Variants in TTC17 observed in about 807,000 individuals in gnomAD.
The protein encoded by TTC17 is tetratricopeptide repeat domain 17.
TTC17 carries 58 observed loss-of-function variants against 143.8 expected under a neutral mutation model. The observed-to-expected ratio is 0.40, with a 90% confidence interval of 0.33 to 0.50. The LOEUF (loss-of-function observed/expected upper bound fraction) is 0.50. Among genes scored for constraint, TTC17 ranks in the 20% least tolerant of loss-of-function variants. The pLI is 0.49. For synonymous variants in TTC17, 501 were observed against 497.8 expected (o/e 1.01, Z -0.09); for missense variants, 1,273 against 1,392.5 (o/e 0.91, Z 1.37).
intron 7 of TTC17, 81 bp from the exon 8 acceptor site, chr11:43,397,893 T>C: frequency 1.9e-6 from 3 of 1,541,636 alleles, no homozygotes; most frequent in Non-Finnish European, 1.7e-6. Flanking sequence ...GGCTAACATT[T>C]TTTTTTCCGT....
intron 16 of TTC17, among the ~76,000 whole-genome samples, chr11:43,425,266 C>T (rs1946999257): frequency 1.3e-5 from 2 of 152,020 alleles, no homozygotes; most frequent in Admixed American, 6.6e-5. Context: ...CTAGGGTGCA[C>T]CCTGATCACA....
At position 43,407,134 on chromosome 11, in the gene TTC17, T is replaced by C. The variant is rs777280975; in HGVS notation, c.1762-4T>C. On this transcript the variant is annotated splice_polypyrimidine_tract_variant and splice_region_variant and intron_variant, in intron 13 of 23. Transcript: ENST00000039989. Reference sequence around the variant, plus strand: ...TTGAGTCAGTCTTCCTTTTGATGTTTCAGATTTTGCTTTCCCGTATTAATA... The same window carrying C: ...TTGAGTCAGTCTTCCTTTTGATGTTCCAGATTTTGCTTTCCCGTATTAATA... 3 of 1,564,960 alleles carry C rather than the reference T, an allele frequency of 1.9e-6. No homozygotes were observed. The highest frequency in any genetic ancestry group is 4.5e-5 in the East Asian group (2 of 44,586).
intron 16 of TTC17, among the ~76,000 whole-genome samples, chr11:43,438,723 T>G (rs1947347152): frequency 6.6e-6 from 1 of 152,186 alleles, no homozygotes; most frequent in Non-Finnish European, 1.5e-5. Context: ...TACTTCTGTC[T>G]TGTTTTGAAT....
At chr11:43,488,836 G>A (rs1948423498) in intron 21 of TTC17, among the ~76,000 whole-genome samples, 1 of 152,144 alleles carries the variant, frequency 6.6e-6, no homozygotes, top group Admixed American at 6.5e-5. Context: ...AAGTAGTTGA[G>A]ACTACAGGTG....
At chr11:43,371,142 A>C (rs963533588) in intron 1 of TTC17, among the ~76,000 whole-genome samples, 1 of 152,128 alleles carries the variant, frequency 6.6e-6, no homozygotes, top group Non-Finnish European at 1.5e-5. Flanking sequence ...TTGTGAATGG[A>C]AAAAACATCT....
chr11:43,447,979 T>C (rs1488702503), intron 18 of TTC17, 23 bp from the exon 19 acceptor site: 5 of 1,612,234 alleles, frequency 3.1e-6, no homozygotes, highest in Non-Finnish European at 4.2e-6. Flanking sequence ...ATTGTGTGGA[T>C]TCATGGCATA....
chr11:43,433,555 T>C (rs1462382309), intron 16 of TTC17, among the ~76,000 whole-genome samples: 1 of 152,182 alleles, frequency 6.6e-6, no homozygotes, highest in Admixed American at 6.5e-5. Flanking sequence ...ACAAGATGTC[T>C]GAGTTTGAGG....
chr11:43,481,779 G>T (rs140126122), intron 21 of TTC17, among the ~76,000 whole-genome samples: 2 of 151,792 alleles, frequency 1.3e-5, no homozygotes, highest in African/African-American at 4.8e-5. Context: ...GATCAGACTC[G>T]CTAGAAGTTT....
intron 1 of TTC17, among the ~76,000 whole-genome samples, chr11:43,363,440 T>G (rs558071236): frequency 3.3e-5 from 5 of 152,344 alleles, no homozygotes; most frequent in Admixed American, 2.0e-4. Flanking sequence ...GTTACCAGTT[T>G]GTTAGTTGTA....
At chr11:43,387,014 A>C (rs1857194627) in intron 2 of TTC17, among the ~76,000 whole-genome samples, 1 of 152,030 alleles carries the variant, frequency 6.6e-6, no homozygotes, top group Non-Finnish European at 1.5e-5. Context: ...AAACTCCTGA[A>C]CTCAAGTGAT....
At chr11:43,401,349 G>C (rs1857844952) in intron 9 of TTC17, 97 bp from the exon 10 acceptor site, 2 of 728,462 alleles carry the variant, frequency 2.7e-6, no homozygotes, top group African/African-American at 3.5e-5. Flanking sequence ...TAGGCTCTGA[G>C]GGATACAGGG....
intron 2 of TTC17, among the ~76,000 whole-genome samples, chr11:43,382,152 A>G (rs73549429): frequency 0.14 from 20,772 of 152,212 alleles, 3,757 homozygotes; most frequent in African/African-American, 0.42. Context: ...GTAAGGGAAA[A>G]TCAATTCTAC....
intron 21 of TTC17, among the ~76,000 whole-genome samples, chr11:43,467,592 A>G (rs982934645): frequency 1.3e-5 from 2 of 152,226 alleles, no homozygotes; most frequent in Non-Finnish European, 2.9e-5. Context: ...GGTTGGTTAC[A>G]TGATGTGAAT....
chr11:43,421,200 A>C (rs963723589), intron 16 of TTC17, among the ~76,000 whole-genome samples: 2 of 152,170 alleles, frequency 1.3e-5, no homozygotes, highest in African/African-American at 4.8e-5. Context: ...TGACATTTGA[A>C]CATAAGACTT....
In TTC17 at chr11:43,391,837, T is replaced by G. The variant is rs200811047; in HGVS notation, c.548T>G (p.Val183Gly). 4.3e-6 allele frequency: 7 copies of G among 1,613,318 alleles called. No individual in the cohort carries two copies. The Admixed American group carries it at 1.2e-4, about 27-fold the overall frequency. ...FQHLRGVQER[V>G]NLSAPLLPKE... is the part of the protein sequence containing the mutation. ...TCTCTTCAGGGTGTACAGGAGAGAGTTAATCTTTCTGCACCTCTGCTACCT... is the reference window on the plus strand; with the variant it reads ...TCTCTTCAGGGTGTACAGGAGAGAGGTAATCTTTCTGCACCTCTGCTACCT... Residue 183 changes from valine to glycine, a missense_variant, in exon 5 of 24, where the codon GTT (valine) becomes GGT (glycine). Val to Gly is a moderately radical substitution (Grantham distance 109). This residue lies in a region of TTC17 where 325 missense variants were observed against 444.2 expected (regional missense o/e 0.73). Transcript: ENST00000039989.
intron 2 of TTC17, 73 bp from the exon 3 acceptor site, chr11:43,389,579 C>G: frequency 7.0e-7 from 1 of 1,430,998 alleles, no homozygotes; most frequent in Non-Finnish European, 9.3e-7. Flanking sequence ...AGCTCAGATT[C>G]CCCTTTCTCT....
At chr11:43,432,233 C>CG (rs1236429411) in intron 16 of TTC17, among the ~76,000 whole-genome samples, 1 of 5,216 alleles carries the variant, frequency 1.9e-4, no homozygotes, top group African/African-American at 2.1e-4. Context: ...TTTACTTTGA[C>CG]AAGTATATTA....
rs777870479 is a variant in TTC17, at chr11:43,490,343, G to A, written c.3135G>A (p.Ala1045=). 8 of 1,605,472 alleles carry A rather than the reference G, an allele frequency of 5.0e-6. No homozygotes were observed. The East Asian group carries it at 1.1e-4, about 22-fold the overall frequency. ...IDCLRQALHY[A]PHQMKDVPLI... is the part of the protein sequence containing the mutation. ...GCCTCCGCCAGGCTCTGCACTATGC[G>A]CCACACCAGATGAAGGTGAGTGGGA... Residue 1045 remains alanine (A), a synonymous_variant, in exon 22 of 24, where the codon GCG becomes GCA. Transcript: ENST00000039989.
chr11:43,448,098 T>G lies in TTC17; in HGVS notation c.2762T>G (p.Leu921Arg). ...CTGACTGCCATCGTGAGTACCTGGC[T>G]TGCAGTTTCTTCAAAAAACATTGAG... ...VELTAIVSTW[L>R]AVSSKNIDIT... The change falls in exon 19 of 24, where the codon CTT becomes CGT. Residue 921 changes from leucine to arginine, a missense_variant. Leu to Arg is a moderately radical substitution (Grantham distance 102, BLOSUM62 -2). Transcript: ENST00000039989. 6.2e-7 allele frequency: 1 copy of G among 1,614,130 alleles called. No homozygotes were observed. Among genetic ancestry groups the G allele is most frequent in the South Asian group, 1.1e-5 (1 of 91,082 alleles).
Sources: allele counts gnomAD v4.1 joint callset (sites outside exome capture counted in the v4.1 genomes callset), GRCh38; gene constraint gnomAD v4.1.1; regional missense constraint gnomAD v4.1.1; transcripts MANE v1.5; gene names NCBI Gene and HGNC (gene_info 2026-07-23, HGNC 2026-07-21).